The following GLIS3 variants were observed in gnomAD, a reference collection of about 807,000 sequenced individuals.
GLIS3 encodes the protein GLIS family zinc finger 3.
In GLIS3, 53 loss-of-function variants were observed where a neutral mutation model predicts 78.6. That is an observed-to-expected ratio of 0.67 (90% confidence interval 0.54 to 0.85). The LOEUF (loss-of-function observed/expected upper bound fraction) is 0.85. GLIS3 is among the 40% of genes least tolerant of loss of function. GLIS3 has a pLI of 0.00. For synonymous variants in GLIS3, 684 were observed against 509.9 expected (o/e 1.34, Z -4.60); for missense variants, 1,703 against 1,231.1 (o/e 1.38, Z -5.74).
chr9:4,165,886 G>A (rs1014129788), intron 2 of GLIS3, among the ~76,000 whole-genome samples: 2 of 151,412 alleles, frequency 1.3e-5, no homozygotes, highest in African/African-American at 2.4e-5. Context: ...AATCTCCAAT[G>A]TTTGGGGAGG....
chr9:4,448,811 T>C, the GLIS3 span, among the ~76,000 whole-genome samples: 17 of 152,362 alleles, frequency 1.1e-4, no homozygotes, highest in Admixed American at 9.1e-4. Context: ...ACTTTGTGGT[T>C]TGTTTGTTTG....
chr9:4,187,904 C>A (rs10814868), intron 2 of GLIS3, among the ~76,000 whole-genome samples: 36,636 of 150,274 alleles, frequency 0.24, 4,897 homozygotes, highest in Non-Finnish European at 0.3. Context: ...GGGCGGAGAC[C>A]ATGGGGTTTT....
At chr9:3,915,914 C>T (rs1369459027) in intron 6 of GLIS3, among the ~76,000 whole-genome samples, 9 of 152,262 alleles carry the variant, frequency 5.9e-5, no homozygotes, top group Middle Eastern at 3.4e-3. Context: ...CTTCCCCAAC[C>T]ATCCTCCAAA....
At chr9:4,459,183 C>A in the GLIS3 span, among the ~76,000 whole-genome samples, 3 of 152,162 alleles carry the variant, frequency 2.0e-5, no homozygotes, top group African/African-American at 7.2e-5. Context: ...GATGATGAAA[C>A]TTGAACCAGG....
the GLIS3 span, among the ~76,000 whole-genome samples, chr9:4,398,481 G>T: frequency 6.6e-6 from 1 of 151,930 alleles, no homozygotes; most frequent in African/African-American, 2.4e-5. Flanking sequence ...TTGCCTTGGG[G>T]TCGTGGACAT....
intron 2 of GLIS3, among the ~76,000 whole-genome samples, chr9:4,195,994 C>G (rs1563736572): frequency 6.6e-6 from 1 of 150,706 alleles, no homozygotes; most frequent in African/African-American, 2.4e-5. Flanking sequence ...GTAAATGCAC[C>G]TATCAGTGCT....
intron 4 of GLIS3, among the ~76,000 whole-genome samples, chr9:3,942,908 A>G (rs530475711): frequency 1.3e-5 from 2 of 152,352 alleles, no homozygotes; most frequent in East Asian, 3.9e-4. Flanking sequence ...CTAGAAAACA[A>G]AAGAAGAAAG....
chr9:4,281,456 A>G (rs1191124443), intron 2 of GLIS3, among the ~76,000 whole-genome samples: 1 of 151,944 alleles, frequency 6.6e-6, no homozygotes, highest in African/African-American at 2.4e-5. Context: ...CTTCTCCCCA[A>G]CTCCCAGCAA....
intron 2 of GLIS3, among the ~76,000 whole-genome samples, chr9:4,326,505 T>C (rs1297035807): frequency 6.6e-6 from 1 of 152,108 alleles, no homozygotes; most frequent in African/African-American, 2.4e-5. Flanking sequence ...GTAAAATTCA[T>C]AGAGACAGAA....
chr9:3,987,264 C>T (rs762175024), intron 4 of GLIS3, among the ~76,000 whole-genome samples: 1 of 151,954 alleles, frequency 6.6e-6, no homozygotes, highest in Non-Finnish European at 1.5e-5. Context: ...ATAAAATTTA[C>T]CCAATTTCAA....
chr9:4,286,495 A>G lies in GLIS3; in HGVS notation c.-70T>C, dbSNP rs1258332594. ...AATGACTCCTTTCAGGCAAAGTCCAATAAGTTATCCATGGTGTGGGTTATA... is the reference window on the plus strand; with the variant it reads ...AATGACTCCTTTCAGGCAAAGTCCAGTAAGTTATCCATGGTGTGGGTTATA... On this transcript the variant is annotated 5_prime_UTR_variant, in exon 2 of 11. Coordinates refer to ENST00000381971, the MANE Select transcript of GLIS3 (RefSeq NM_001042413.2). The G allele has an allele frequency of 8.9e-6, 14 of 1,577,518 alleles. No individual in the cohort carries two copies. The highest frequency in any genetic ancestry group is 4.5e-5 in the East Asian group (2 of 44,746).
At chr9:3,971,701 G>A (rs531310320) in intron 4 of GLIS3, among the ~76,000 whole-genome samples, 43 of 152,196 alleles carry the variant, frequency 2.8e-4, no homozygotes, top group Admixed American at 1.3e-3. Flanking sequence ...GCTCTATTTC[G>A]TGCATTTACA....
the GLIS3 span, among the ~76,000 whole-genome samples, chr9:4,417,373 T>G: frequency 6.6e-6 from 1 of 152,034 alleles, no homozygotes; most frequent in Non-Finnish European, 1.5e-5. Context: ...TCTGTTTGTA[T>G]ATATGTACAT....
chr9:4,418,168 T>C, the GLIS3 span, among the ~76,000 whole-genome samples: 2 of 152,218 alleles, frequency 1.3e-5, no homozygotes, highest in Non-Finnish European at 2.9e-5. Flanking sequence ...CCTGAACAAA[T>C]GTACTGGATA....
the GLIS3 span, among the ~76,000 whole-genome samples, chr9:4,410,131 C>T: frequency 1.2e-4 from 18 of 150,872 alleles, 1 homozygote; most frequent in South Asian, 3.8e-3. Flanking sequence ...CCACCATGCC[C>T]GGCTATTTTT....
At chr9:4,425,969 A>G in the GLIS3 span, among the ~76,000 whole-genome samples, 1 of 152,212 alleles carries the variant, frequency 6.6e-6, no homozygotes, top group Non-Finnish European at 1.5e-5. Context: ...TGGTTTGCAA[A>G]GGGTATTTGA....
chr9:4,422,068 C>T, the GLIS3 span, among the ~76,000 whole-genome samples: 2 of 152,200 alleles, frequency 1.3e-5, no homozygotes, highest in South Asian at 2.1e-4. Flanking sequence ...ACAGTGTTTG[C>T]AGATTTCTCA....
the GLIS3 span, among the ~76,000 whole-genome samples, chr9:4,353,961 G>A: frequency 1.3e-5 from 2 of 151,424 alleles, no homozygotes; most frequent in Non-Finnish European, 1.5e-5. Context: ...CCCAGCAGCT[G>A]GGACTACAGG....
chr9:3,919,307 T>C (rs1036666804), intron 6 of GLIS3, among the ~76,000 whole-genome samples: 1 of 152,218 alleles, frequency 6.6e-6, no homozygotes, highest in Non-Finnish European at 1.5e-5. Flanking sequence ...AAAATGCAGC[T>C]TGAGTACAGT....
Sources: gnomAD v4.1 joint callset for allele counts (sites outside exome capture counted in the v4.1 genomes callset) on GRCh38, gnomAD v4.1.1 for gene constraint, MANE v1.5 for transcripts, NCBI Gene and HGNC (gene_info 2026-07-23, HGNC 2026-07-21) for gene names.